Variants in WDR35 observed in about 807,000 individuals in gnomAD.
WDR35 encodes the protein WD repeat-containing protein 35.
In WDR35, 118 loss-of-function variants were observed where a neutral mutation model predicts 158.3. The ratio of observed to expected loss-of-function variants is 0.75; its 90% CI spans 0.64 to 0.87. The LOEUF is 0.87. Ranked by LOEUF, WDR35 falls within the 40% of genes least tolerant of loss-of-function variation. The pLI is 0.00. For synonymous variants in WDR35, 448 were observed against 476.1 expected, an observed-to-expected ratio of 0.94 and a Z score of 0.77; for missense variants, 1,263 against 1,405.8, an observed-to-expected ratio of 0.90 and a Z score of 1.62.
At position 19,945,873 on chromosome 2, in the gene WDR35, C is replaced by G; in HGVS notation, c.1758G>C (p.Trp586Cys). Reference sequence around the variant, plus strand: ...GATTATCTTTGGCCCACTTCATATCCCAGACATCTCTTCGTTCCAATTTTA... The same window carrying G: ...GATTATCTTTGGCCCACTTCATATCGCAGACATCTCTTCGTTCCAATTTTA... ...ELLKLERRDV[W>C]DMKWAKDNPD... The change falls in exon 16 of 27, where the codon TGG becomes TGC. Residue 586 changes from tryptophan (W) to cysteine (C), a missense_variant. Transcript: ENST00000281405. 2 of 1,614,028 alleles carry G rather than the reference C, an allele frequency of 1.2e-6. No individual in the cohort carries two copies. Among genetic ancestry groups the G allele is most frequent in the East Asian group, 2.2e-5 (1 of 44,878 alleles).
chr2:19,974,359 A>C, intron 7 of WDR35, 109 bp downstream of exon 7: 1 of 1,163,358 alleles, frequency 8.6e-7, no homozygotes, highest in African/African-American at 1.6e-5. Flanking sequence ...CCGTGAGCCA[A>C]GATCGTGCCA....
chr2:19,943,543 G>A (rs1670942491), intron 16 of WDR35, among the ~76,000 whole-genome samples: 1 of 152,042 alleles, frequency 6.6e-6, no homozygotes, highest in Non-Finnish European at 1.5e-5. Context: ...GGTAGGTCAT[G>A]TAAATAATTT....
At chr2:19,929,818 CA>C (rs1320564523) in intron 25 of WDR35, among the ~76,000 whole-genome samples, 2 of 152,034 alleles carry the variant, frequency 1.3e-5, no homozygotes, top group East Asian at 3.9e-4. Context: ...GATTATTTTA[CA>C]AATTGTTAGA....
At position 19,932,837 on chromosome 2, in the gene WDR35, A is replaced by G. The variant is rs147650830; in HGVS notation, c.2659-390T>C. Among the ~76,000 whole-genome samples, 784 of 152,308 alleles carry G rather than the reference A, an allele frequency of 5.1e-3. 12 individuals carry two copies. The highest frequency in any genetic ancestry group is 0.018 in the African/African-American group (757 of 41,576). On this transcript the variant is annotated intron_variant, in intron 22 of 26. Transcript: ENST00000281405. ...GATTTGACATTTAAAAATTATTTTT[A>G]TAAAGCAAAAGGGGTTTTAAAAAAT...
rs771656961 is a variant in WDR35 at position 19,953,886 on chromosome 2, T to G, written c.1348A>C (p.Thr450Pro). 6.2e-6 allele frequency: 10 copies of G among 1,614,046 alleles called. No individual in the cohort carries two copies. Among genetic ancestry groups the G allele is most frequent in the Non-Finnish European group, 6.8e-6 (8 of 1,180,022 alleles). ...TWQYRVAKKL[T>P]ALEINQITRS... ...GTGATCTGATTAATTTCCAATGCTG[T>G]GAGCTTCTTTGCCACACGATATTGC... Residue 450 changes from threonine (T) to proline (P), a missense_variant, in exon 12 of 27, where the codon ACA becomes CCA. Thr to Pro is a conservative substitution (Grantham distance 38). Transcript: ENST00000281405.
At chr2:19,932,133 T>C (rs1166920773) in intron 23 of WDR35, 150 bp downstream of exon 23, 3 of 958,438 alleles carry the variant, frequency 3.1e-6, no homozygotes, top group Admixed American at 2.6e-5. Context: ...AAGGCAATAA[T>C]ACTAAAATAA....
chr2:19,956,618 C>CTTT (rs34318252), intron 11 of WDR35, among the ~76,000 whole-genome samples: 2 of 129,396 alleles, frequency 1.5e-5, no homozygotes, highest in Non-Finnish European at 1.6e-5. Context: ...CTTAATAATA[C>CTTT]TTTTTTTTTT....
intron 2 of WDR35, among the ~76,000 whole-genome samples, chr2:19,985,319 C>A (rs182973573): frequency 0.083 from 9,908 of 118,876 alleles, 2 homozygotes; most frequent in East Asian, 0.19. Context: ...AACCCAGGGC[C>A]ATCATCCTCA....
At chr2:19,954,384 C>A (rs1393106688) in intron 11 of WDR35, among the ~76,000 whole-genome samples, 3 of 152,122 alleles carry the variant, frequency 2.0e-5, no homozygotes, top group African/African-American at 7.2e-5. Flanking sequence ...AAAGTAAAGA[C>A]AACCCATAGA....
intron 25 of WDR35, among the ~76,000 whole-genome samples, chr2:19,922,849 C>T (rs1183471079): frequency 6.6e-6 from 1 of 152,150 alleles, no homozygotes; most frequent in East Asian, 1.9e-4. Context: ...GGCCATAACA[C>T]CCACGCTGGA....
intron 6 of WDR35, among the ~76,000 whole-genome samples, chr2:19,974,849 G>C (rs1672154993): frequency 6.6e-6 from 1 of 152,112 alleles, no homozygotes; most frequent in Non-Finnish European, 1.5e-5. Context: ...AAAAAACACT[G>C]AGTTTTTATG....
chr2:19,987,353 C>G (rs539729896), intron 2 of WDR35, among the ~76,000 whole-genome samples: 1 of 152,072 alleles, frequency 6.6e-6, no homozygotes, highest in East Asian at 1.9e-4. Context: ...TCATTCAGTT[C>G]CAAAACAAAT....
chr2:19,960,498 T>C, intron 11 of WDR35, 56 bp downstream of exon 11: 2 of 1,394,352 alleles, frequency 1.4e-6, no homozygotes, highest in Non-Finnish European at 2.0e-6. Context: ...GGTTTTTAAA[T>C]TAGTGTTACA....
chr2:19,962,724 A>G (rs1383964027), intron 10 of WDR35, among the ~76,000 whole-genome samples: 1 of 152,122 alleles, frequency 6.6e-6, no homozygotes, highest in African/African-American at 2.4e-5. Flanking sequence ...TACCCATAAC[A>G]TTTAAAAAAA....
Position 19,910,734 on chromosome 2 carries a change from GT to G in WDR35, c.*2823del, listed in dbSNP as rs778473531. 13 of 152,084 alleles carry G rather than the reference GT, an allele frequency of 8.5e-5. No homozygotes were observed. The highest frequency in any genetic ancestry group is 1.8e-4 in the Non-Finnish European group (12 of 68,018). 9.4% of individuals were successfully genotyped at this position (152,084 alleles called of 1,614,324 possible). A position where few individuals can be genotyped will look rare whatever the true frequency, so the allele number is the denominator to read the frequency against. ...CCTAGTCAAGGGAGAGTTTGTTAGT[GT>G]TGTTATCTGGAAATTTCCTTCATGT... On this transcript the variant is annotated 3_prime_UTR_variant, in exon 27 of 27. Coordinates refer to ENST00000281405, the MANE Select transcript of WDR35 (RefSeq NM_020779.4).
chr2:19,980,798 A>T lies in WDR35; in HGVS notation c.215-15T>A. The T allele has an allele frequency of 1.2e-6, 2 of 1,606,836 alleles. No homozygotes were observed. Among genetic ancestry groups the T allele is most frequent in the Non-Finnish European group, 1.7e-6 (2 of 1,173,870 alleles). On this transcript the variant is annotated splice_polypyrimidine_tract_variant and intron_variant, in intron 3 of 26. Coordinates refer to ENST00000281405, the MANE Select transcript of WDR35 (RefSeq NM_020779.4). ...TTGAACAGAACCTAGAACATTATAA[A>T]ACAATTTAGAAACTTAAAGGTTACA... is the stretch of plus-strand genomic sequence containing the variant.
chr2:19,972,621 C>T (rs925791966), intron 8 of WDR35, among the ~76,000 whole-genome samples: 7 of 151,824 alleles, frequency 4.6e-5, no homozygotes, highest in African/African-American at 1.5e-4. Context: ...GTATAGAGAG[C>T]ATCTACGTTC....
chr2:19,959,938 G>T (rs956853542), intron 11 of WDR35, among the ~76,000 whole-genome samples: 1 of 151,964 alleles, frequency 6.6e-6, no homozygotes, highest in African/African-American at 2.4e-5. Flanking sequence ...AATCTACTTA[G>T]AATAAGATTT....
chr2:19,924,082 G>A (rs1405365430), intron 25 of WDR35, among the ~76,000 whole-genome samples: 14 of 152,148 alleles, frequency 9.2e-5, no homozygotes, highest in Admixed American at 2.6e-4. Flanking sequence ...GGGGGTTGGC[G>A]GCTGGGCTGG....
Sources: gnomAD v4.1 joint callset for allele counts (sites outside exome capture counted in the v4.1 genomes callset) on GRCh38, gnomAD v4.1.1 for gene constraint, MANE v1.5 for transcripts, NCBI Gene and HGNC (gene_info 2026-07-23, HGNC 2026-07-21) for gene names.